Variants in ZNF280D observed in about 807,000 individuals in gnomAD.
The protein encoded by ZNF280D is zinc finger protein 280D.
ZNF280D carries 39 observed loss-of-function variants against 94.7 expected under a neutral mutation model. The observed-to-expected ratio is 0.41, with a 90% CI of 0.32 to 0.54. The LOEUF is 0.54. ZNF280D is among the 20% of genes least tolerant of loss of function. The probability of loss-of-function intolerance (pLI) is 0.22; values close to 1 mark genes in which losing one functional copy is unlikely to be tolerated. For synonymous variants in ZNF280D, 398 were observed against 377.6 expected (o/e 1.05, Z -0.63); for missense variants, 1,090 against 1,149.3 (o/e 0.95, Z 0.75).
intron 1 of ZNF280D, among the ~76,000 whole-genome samples, chr15:56,723,235 A>T (rs368243358): frequency 4.0e-4 from 60 of 150,812 alleles, no homozygotes; most frequent in Non-Finnish European, 7.4e-4. Flanking sequence ...TAATAATAAA[A>T]AAATAAATAA....
chr15:56,659,131 G>A (rs1251359238), intron 16 of ZNF280D, among the ~76,000 whole-genome samples: 1 of 138,128 alleles, frequency 7.2e-6, no homozygotes, highest in East Asian at 2.1e-4. Context: ...TGAAACTACA[G>A]AGGGAGGCCA....
intron 7 of ZNF280D, among the ~76,000 whole-genome samples, chr15:56,690,498 G>A (rs1243835948): frequency 6.6e-6 from 1 of 152,254 alleles, no homozygotes; most frequent in East Asian, 1.9e-4. Context: ...AAATTAATGG[G>A]TTTGTTTTAG....
chr15:56,652,304 A>T (rs1298511093), intron 19 of ZNF280D, among the ~76,000 whole-genome samples: 2 of 152,184 alleles, frequency 1.3e-5, no homozygotes, highest in African/African-American at 4.8e-5. Context: ...AGTCTTTAAA[A>T]TTTAAGAAAT....
rs77012161 is a variant in ZNF280D at position 56,656,659 on chromosome 15, T to G, written c.2057+1765A>C. The stretch of plus-strand genomic sequence containing the variant: ...TCTAACATCACAGATGGGACCTATT[T>G]TCCACGTACATCATTTTCAATATAT... On this transcript the variant is annotated intron_variant, in intron 17 of 21. Transcript: ENST00000267807. Among the ~76,000 whole-genome samples, 427 of 152,304 alleles carry G rather than the reference T, an allele frequency of 2.8e-3. 16 individuals carry two copies. In the East Asian group the frequency reaches 0.062, roughly 22 times the overall value.
chr15:56,666,452 C>G lies in ZNF280D; in HGVS notation c.1937G>C (p.Cys646Ser). 1 of 1,605,216 alleles carries G rather than the reference C, an allele frequency of 6.2e-7. No homozygotes were observed. The highest frequency in any genetic ancestry group is 8.5e-7 in the Non-Finnish European group (1 of 1,177,468). ...GCTAGTGTTGTATCTGCAAAAACTA[C>G]AGTGGACGTACGTAGGAAAGTGGTT... Reference protein sequence around the residue: ...FANHFPTYVHCSFCRYNTSCS... With the variant: ...FANHFPTYVHSSFCRYNTSCS... The change falls in exon 16 of 22, where the codon TGT becomes TCT. Residue 646 changes from cysteine to serine, a missense_variant. This residue lies in a region of ZNF280D where 577 missense variants were observed against 568.8 expected (regional missense o/e 1.01). Transcript: ENST00000267807.
At chr15:56,677,958 C>T (rs1282976888) in intron 11 of ZNF280D, among the ~76,000 whole-genome samples, 1 of 151,226 alleles carries the variant, frequency 6.6e-6, no homozygotes, top group Non-Finnish European at 1.5e-5. Context: ...AGAGGCAGAT[C>T]TGAGATTTAA....
chr15:56,718,001 G>A (rs1453302765), intron 1 of ZNF280D, among the ~76,000 whole-genome samples: 1 of 152,068 alleles, frequency 6.6e-6, no homozygotes, highest in East Asian at 1.9e-4. Context: ...GACTGAAAAT[G>A]TTCACTTTCA....
chr15:56,638,932 G>A (rs575406350), intron 20 of ZNF280D, among the ~76,000 whole-genome samples: 4 of 151,614 alleles, frequency 2.6e-5, no homozygotes, highest in East Asian at 1.9e-4. Context: ...ATGTATGGGC[G>A]GGTAAGGATC....
At chr15:56,715,690 T>C (rs1222542727) in intron 1 of ZNF280D, among the ~76,000 whole-genome samples, 2 of 152,000 alleles carry the variant, frequency 1.3e-5, no homozygotes, top group Non-Finnish European at 2.9e-5. Context: ...AATAAGAGAA[T>C]GAATGGTAGT....
chr15:56,701,517 G>A (rs968802503), intron 4 of ZNF280D, among the ~76,000 whole-genome samples: 8 of 152,042 alleles, frequency 5.3e-5, no homozygotes, highest in Non-Finnish European at 1.0e-4. Context: ...TCTGACTACA[G>A]GTGAGTCAAA....
chr15:56,706,250 G>A (rs376700705), intron 3 of ZNF280D, among the ~76,000 whole-genome samples: 129 of 149,202 alleles, frequency 8.6e-4, no homozygotes, highest in Non-Finnish European at 1.4e-3. Context: ...TGAGGCAGGC[G>A]GATCACCTGA....
intron 1 of ZNF280D, among the ~76,000 whole-genome samples, chr15:56,707,703 A>G (rs2128171): frequency 0.23 from 34,779 of 151,902 alleles, 4,436 homozygotes; most frequent in Middle Eastern, 0.34. Context: ...TTTTAAACAA[A>G]TTTTAGTTTA....
chr15:56,653,339 C>A, intron 19 of ZNF280D: 1 of 1,255,640 alleles, frequency 8.0e-7, no homozygotes, highest in Non-Finnish European at 1.0e-6. Flanking sequence ...GCCAAAGCCC[C>A]CAGTGGGAAG....
chr15:56,691,291 T>C (rs1403262490), intron 7 of ZNF280D, among the ~76,000 whole-genome samples: 3 of 152,164 alleles, frequency 2.0e-5, no homozygotes, highest in Non-Finnish European at 2.9e-5. Flanking sequence ...AAAAATGATT[T>C]TTTTCCATCT....
chr15:56,654,412 G>C lies in ZNF280D; in HGVS notation c.2149C>G (p.His717Asp). Residue 717 changes from histidine to aspartate, a missense_variant, in exon 18 of 22, where the codon CAT becomes GAT. By Grantham distance (81) the His-to-Asp change is moderately conservative. Coordinates refer to ENST00000267807, the MANE Select transcript of ZNF280D (RefSeq NM_017661.4). ...MATHLSQHKT[H>D]TCQVVMQKVS... is the part of the protein sequence containing the mutation. The stretch of plus-strand genomic sequence containing the variant: ...TTCTGCATTACAACTTGGCAAGTAT[G>C]AGTTTTATGTTGACTTAAGTGTGTA... 1.9e-6 allele frequency: 3 copies of C among 1,607,910 alleles called. No individual in the cohort carries two copies. Among genetic ancestry groups the C allele is most frequent in the Non-Finnish European group, 2.5e-6 (3 of 1,178,462 alleles).
At chr15:56,677,001 C>G (rs535884817) in intron 12 of ZNF280D, among the ~76,000 whole-genome samples, 185 bp from the exon 13 acceptor site, 1 of 152,260 alleles carries the variant, frequency 6.6e-6, no homozygotes, top group African/African-American at 2.4e-5. Context: ...TTAAACGTAG[C>G]TTTCAAAGTT....
chr15:56,707,494 G>C (rs2057480115), intron 1 of ZNF280D, 188 bp from the exon 2 acceptor site: 1 of 162,742 alleles, frequency 6.1e-6, no homozygotes. Context: ...ATTATACTTG[G>C]CACTTAATAC....
intron 20 of ZNF280D, among the ~76,000 whole-genome samples, chr15:56,639,852 G>A (rs2052539186): frequency 6.6e-6 from 1 of 152,082 alleles, no homozygotes; most frequent in Non-Finnish European, 1.5e-5. Context: ...CAAGGGAGTG[G>A]CAAAGGATAA....
chr15:56,654,576 T>C (rs1192612862), intron 17 of ZNF280D, 73 bp from the exon 18 acceptor site: 2 of 1,434,076 alleles, frequency 1.4e-6, no homozygotes, highest in Non-Finnish European at 1.9e-6. Flanking sequence ...TGATTATTTT[T>C]CCATAATTTG....
Sources: gnomAD v4.1 joint callset for allele counts (sites outside exome capture counted in the v4.1 genomes callset) on GRCh38, gnomAD v4.1.1 for gene constraint, gnomAD v4.1.1 regional missense constraint, MANE v1.5 for transcripts, NCBI Gene and HGNC (gene_info 2026-07-23, HGNC 2026-07-21) for gene names.